Variants in COL25A1 observed in about 807,000 individuals in gnomAD.
COL25A1 encodes collagen alpha-1(XXV) chain.
COL25A1 carries 103 observed loss-of-function variants against 128.4 expected under a neutral mutation model. The observed-to-expected ratio is 0.80, with a 90% CI of 0.68 to 0.94. The LOEUF (loss-of-function observed/expected upper bound fraction) is 0.94. Ranked by LOEUF, COL25A1 falls within the 40% of genes least tolerant of loss-of-function variation. The pLI is 0.00. For synonymous variants in COL25A1, 279 were observed against 277.2 expected (o/e 1.01, Z -0.06); for missense variants, 745 against 840.0 (o/e 0.89, Z 1.40).
intron 13 of COL25A1, among the ~76,000 whole-genome samples, chr4:108,910,164 A>G (rs930719292): frequency 5.3e-5 from 8 of 152,236 alleles, no homozygotes; most frequent in South Asian, 2.1e-4. Context: ...AGCTAATTCC[A>G]TATTTCCTAA....
At chr4:109,065,795 T>C (rs1054714346) in intron 3 of COL25A1, among the ~76,000 whole-genome samples, 1 of 152,184 alleles carries the variant, frequency 6.6e-6, no homozygotes, top group African/African-American at 2.4e-5. Context: ...TGAGCCACAA[T>C]TGACAAGACC....
chr4:108,834,304 C>T, intron 31 of COL25A1: 1 of 1,536,344 alleles, frequency 6.5e-7, no homozygotes, highest in South Asian at 1.2e-5. Flanking sequence ...TGCTGAAGCA[C>T]ATGATTCACA....
intron 6 of COL25A1, among the ~76,000 whole-genome samples, chr4:108,988,926 C>T (rs1017028260): frequency 2.0e-5 from 3 of 152,038 alleles, no homozygotes; most frequent in African/African-American, 7.3e-5. Context: ...CTTTTCTTCC[C>T]CTCTACACAC....
intron 3 of COL25A1, among the ~76,000 whole-genome samples, chr4:109,110,880 C>T (rs1467667326): frequency 6.6e-6 from 1 of 152,174 alleles, no homozygotes; most frequent in African/African-American, 2.4e-5. Context: ...CATCTATTTT[C>T]GTCTGCACTA....
chr4:109,187,894 C>T (rs1236780358), intron 3 of COL25A1, among the ~76,000 whole-genome samples: 1 of 152,078 alleles, frequency 6.6e-6, no homozygotes, highest in East Asian at 1.9e-4. Flanking sequence ...CTCATTCTTC[C>T]TACTTAAAAT....
chr4:109,137,309 T>C (rs1371378246), intron 3 of COL25A1, among the ~76,000 whole-genome samples: 1 of 152,238 alleles, frequency 6.6e-6, no homozygotes, highest in African/African-American at 2.4e-5. Context: ...GAACTATCCA[T>C]GAAAATAAAA....
chr4:108,983,815 C>G (rs959673937), intron 6 of COL25A1, among the ~76,000 whole-genome samples: 2 of 152,088 alleles, frequency 1.3e-5, no homozygotes, highest in African/African-American at 4.8e-5. Context: ...AAGCTGCAGA[C>G]CTTCGCAGTG....
chr4:109,103,389 T>A (rs573029411), intron 3 of COL25A1, among the ~76,000 whole-genome samples: 3 of 152,318 alleles, frequency 2.0e-5, no homozygotes, highest in South Asian at 4.1e-4. Flanking sequence ...TTTTGTTTTT[T>A]GCCTCACCCC....
chr4:108,999,904 G>A (rs559932290), intron 6 of COL25A1, among the ~76,000 whole-genome samples: 1 of 152,202 alleles, frequency 6.6e-6, no homozygotes, highest in Admixed American at 6.5e-5. Context: ...CTCGTAGGTG[G>A]GAGATGAACA....
intron 3 of COL25A1, among the ~76,000 whole-genome samples, chr4:109,150,484 C>G (rs75758286): frequency 6.6e-6 from 1 of 152,178 alleles, no homozygotes; most frequent in Non-Finnish European, 1.5e-5. Context: ...TTATTTTAGT[C>G]TGGAGGTAAA....
At chr4:108,891,488 T>C (rs949302255) in intron 16 of COL25A1, among the ~76,000 whole-genome samples, 7 of 152,182 alleles carry the variant, frequency 4.6e-5, no homozygotes, top group African/African-American at 1.7e-4. Context: ...AAGCCATCAG[T>C]ACCAATGAAT....
At chr4:108,924,205 A>G (rs1339844449) in intron 11 of COL25A1, among the ~76,000 whole-genome samples, 2 of 152,210 alleles carry the variant, frequency 1.3e-5, no homozygotes, top group Non-Finnish European at 2.9e-5. Context: ...GAGTCACTGA[A>G]AAATTCTAAG....
At chr4:108,999,374 A>T (rs1423507744) in intron 6 of COL25A1, among the ~76,000 whole-genome samples, 1 of 152,260 alleles carries the variant, frequency 6.6e-6, no homozygotes, top group Non-Finnish European at 1.5e-5. Flanking sequence ...AATGGTCATC[A>T]TCACTGGTCA....
intron 26 of COL25A1, among the ~76,000 whole-genome samples, chr4:108,849,032 T>G (rs140389650): frequency 6.6e-6 from 1 of 152,332 alleles, no homozygotes; most frequent in East Asian, 1.9e-4. Context: ...TTTAGTGTTT[T>G]TATTTTTTCT....
At chr4:108,855,192 T>TTTC (rs1553951513) in intron 24 of COL25A1, among the ~76,000 whole-genome samples, 1 of 16,422 alleles carries the variant, frequency 6.1e-5, no homozygotes, top group Non-Finnish European at 3.2e-4. Flanking sequence ...GTTGTTACTG[T>TTTC]TTTTTTTTTT....
intron 3 of COL25A1, among the ~76,000 whole-genome samples, chr4:109,269,589 C>G (rs1353929120): frequency 1.3e-5 from 2 of 150,476 alleles, no homozygotes; most frequent in Non-Finnish European, 2.9e-5. Context: ...TCCTCTCCAG[C>G]ACCTGTTGTT....
chr4:108,829,115 A>AT (rs545939331), intron 32 of COL25A1, among the ~76,000 whole-genome samples: 5 of 152,214 alleles, frequency 3.3e-5, no homozygotes, highest in African/African-American at 1.2e-4. Flanking sequence ...AACATTAAAC[A>AT]TTTTTTTAAG....
chr4:109,221,169 A>G (rs1309607256), intron 3 of COL25A1, among the ~76,000 whole-genome samples: 1 of 151,928 alleles, frequency 6.6e-6, no homozygotes, highest in East Asian at 1.9e-4. Flanking sequence ...CTTAATATGC[A>G]TAAGATACTA....
intron 5 of COL25A1, among the ~76,000 whole-genome samples, chr4:109,041,346 C>T (rs1019580236): frequency 6.7e-6 from 1 of 150,266 alleles, no homozygotes; most frequent in South Asian, 2.1e-4. Flanking sequence ...ACAGACCACC[C>T]TTTAAATTTA....
Sources: gnomAD v4.1 joint callset for allele counts (sites outside exome capture counted in the v4.1 genomes callset) on GRCh38, gnomAD v4.1.1 for gene constraint, MANE v1.5 for transcripts, NCBI Gene and HGNC (gene_info 2026-07-23, HGNC 2026-07-21) for gene names.